Variants in SATB1 observed in about 807,000 individuals in gnomAD.
SATB1 encodes the protein SATB homeobox 1, also known as DNA-binding protein SATB1.
Under a neutral mutation model 86.9 loss-of-function variants are expected in SATB1, and 11 were observed. The ratio of observed to expected loss-of-function variants is 0.13; its 90% CI spans 0.08 to 0.21. SATB1 has a LOEUF of 0.21. SATB1 is among the 10% of genes least tolerant of loss of function. The pLI is 1.00. For missense variants in SATB1, 551 were observed against 937.6 expected, an observed-to-expected ratio of 0.59 and a Z score of 5.39; for synonymous variants, 357 against 357.2, an observed-to-expected ratio of 1.00 and a Z score of 0.01.
rs1559389178 is a variant in SATB1 at position 18,352,598 on chromosome 3, AT to A, written c.1576-404del. The A allele has an allele frequency of 5.5e-5, 10 of 182,144 alleles. No homozygotes were observed. The highest frequency in any genetic ancestry group is 2.1e-4 in the African/African-American group (9 of 42,250). 11.3% of individuals were successfully genotyped at this position (182,144 alleles called of 1,614,324 possible). A position where few individuals can be genotyped will look rare whatever the true frequency, so the allele number is the denominator to read the frequency against. On this transcript the variant is annotated intron_variant, in intron 9 of 10. Transcript: ENST00000338745. This position sits in a 1 kb window ranked among gnomAD's most constrained non-coding sequence, Gnocchi z 4.1. ...AGAGGCAGGACAGATTTTAGAAATAATTTTTTTCTAAAAGGATTTCCTAAGC... is the reference window on the plus strand; with the variant it reads ...AGAGGCAGGACAGATTTTAGAAATAATTTTTTCTAAAAGGATTTCCTAAGC...
At chr3:18,367,563 A>T (rs771089505) in intron 9 of SATB1, among the ~76,000 whole-genome samples, 1 of 152,206 alleles carries the variant, frequency 6.6e-6, no homozygotes, top group African/African-American at 2.4e-5. Flanking sequence ...TCTTCTTATT[A>T]GATAGGGACC....
In SATB1 at chr3:18,386,730, G is replaced by A. The variant is rs1438735850; in HGVS notation, c.1207-119C>T. 4.1e-6 allele frequency: 3 copies of A among 733,268 alleles called. No individual in the cohort carries two copies. Among genetic ancestry groups the A allele is most frequent in the Non-Finnish European group, 6.9e-6 (3 of 436,796 alleles). 45.4% of individuals were successfully genotyped at this position (733,268 alleles called of 1,614,324 possible). On this transcript the variant is annotated intron_variant, in intron 7 of 10. Coordinates refer to ENST00000338745, the MANE Select transcript of SATB1 (RefSeq NM_002971.6). The surrounding 1 kb of genome is among the most constrained non-coding windows in gnomAD (Gnocchi z 4.5). The stretch of plus-strand genomic sequence containing the variant: ...ATGAACAGTCAGAGGCATTAATTCT[G>A]CATAGGAATATATTAGTTACAACTG...
intron 1 of SATB1, among the ~76,000 whole-genome samples, chr3:18,438,387 C>CA (rs1461541019): frequency 6.6e-6 from 1 of 152,070 alleles, no homozygotes; most frequent in East Asian, 1.9e-4. Context: ...TCTCACCACC[C>CA]AAAAAAGAAT....
chr3:18,353,145 C>G (rs1021324613), intron 9 of SATB1: 1 of 152,340 alleles, frequency 6.6e-6, no homozygotes, highest in Admixed American at 6.5e-5. Context: ...CTCACCTGCA[C>G]TCTGCTCTCA....
rs373536891 is a variant in SATB1 at position 18,362,881 on chromosome 3, A to AAAAAAAAAC, written c.1576-10687_1576-10686insGTTTTTTTT. On this transcript the variant is annotated intron_variant, in intron 9 of 10. Coordinates refer to ENST00000338745, the MANE Select transcript of SATB1 (RefSeq NM_002971.6). ...TGTGCAAAAAAAAAAAAAAAAAAAAACCAAAACCCCAAATAAATATAAGAA... is the reference window on the plus strand; with the variant it reads ...TGTGCAAAAAAAAAAAAAAAAAAAAAAAAAAAAACCCAAAACCCCAAATAAATATAAGAA... Among the ~76,000 whole-genome samples the AAAAAAAAAC allele has an allele frequency of 1.5e-3, 157 of 108,150 alleles. 7 individuals carry two copies. The highest frequency in any genetic ancestry group is 2.2e-3 in the Non-Finnish European group (116 of 53,428). The allele number at this position is 108,150 out of a possible 152,430, so 71.0% of individuals were successfully genotyped here.
At chr3:18,372,034 CTT>C (rs1695500620) in intron 9 of SATB1, among the ~76,000 whole-genome samples, 1 of 152,182 alleles carries the variant, frequency 6.6e-6, no homozygotes. Flanking sequence ...AAAGAGAAAA[CTT>C]TATAGAATAT....
Position 18,445,217 on chromosome 3 carries a change from C to T in SATB1, c.-25+301G>A, listed in dbSNP as rs981514192. On this transcript the variant is annotated intron_variant, in intron 1 of 3. Coordinates refer to the SATB1 transcript ENST00000415069. ...TCCCCAGCGCCCGCCCGGCTTCTCCCCCTGGCGGTGGGAGCCTCGGCGGCC... is the reference window on the plus strand; with the variant it reads ...TCCCCAGCGCCCGCCCGGCTTCTCCTCCTGGCGGTGGGAGCCTCGGCGGCC... 1.0e-5 allele frequency: 10 copies of T among 981,702 alleles called. No homozygotes were observed. The African/African-American group carries it at 1.8e-4, about 17-fold the overall frequency. The allele number at this position is 981,702 out of a possible 1,614,324, so 60.8% of individuals were successfully genotyped here.
intron 9 of SATB1, among the ~76,000 whole-genome samples, chr3:18,369,898 G>A (rs183290411): frequency 6.6e-5 from 10 of 152,332 alleles, no homozygotes; most frequent in African/African-American, 2.2e-4. Context: ...AGTGCCACAA[G>A]CTCCCTGGCC....
At chr3:18,363,690 T>C (rs1230243151) in intron 9 of SATB1, among the ~76,000 whole-genome samples, 1 of 152,124 alleles carries the variant, frequency 6.6e-6, no homozygotes, top group African/African-American at 2.4e-5. Flanking sequence ...TGATTAAAAT[T>C]TACTTCTGAA....
upstream of SATB1, among the ~76,000 whole-genome samples, chr3:18,441,426 A>C (rs1295369706): frequency 1.3e-5 from 2 of 152,160 alleles, no homozygotes; most frequent in South Asian, 2.1e-4. Flanking sequence ...AAGAGATTAA[A>C]AACATTTTTG....
chr3:18,413,791 C>T (rs1697986954), intron 5 of SATB1, among the ~76,000 whole-genome samples: 1 of 152,150 alleles, frequency 6.6e-6, no homozygotes, highest in East Asian at 1.9e-4. Flanking sequence ...TAACCTGTGG[C>T]TATAGCTTAT....
chr3:18,420,420 A>G (rs1029575396), intron 2 of SATB1, among the ~76,000 whole-genome samples: 1 of 152,186 alleles, frequency 6.6e-6, no homozygotes, highest in Non-Finnish European at 1.5e-5. Context: ...TTTTATTCTT[A>G]ATCAGGTTAG....
intron 8 of SATB1, 116 bp from the exon 9 acceptor site, chr3:18,378,441 C>T: frequency 2.1e-6 from 2 of 962,018 alleles, no homozygotes; most frequent in Admixed American, 2.5e-5. Flanking sequence ...AGGTGATCAA[C>T]AGTGCAGTCA....
chr3:18,414,367 A>G (rs1432050420), intron 5 of SATB1, among the ~76,000 whole-genome samples: 1 of 152,068 alleles, frequency 6.6e-6, no homozygotes, highest in Admixed American at 6.6e-5. Flanking sequence ...TTTTCTGTCT[A>G]TAAGCAGGTA....
Position 18,411,548 on chromosome 3 carries a change from GTTTACTT to G in SATB1, c.639+3556_639+3562del, listed in dbSNP as rs148476793. Among the ~76,000 whole-genome samples, 896 of 151,972 alleles carry G rather than the reference GTTTACTT, an allele frequency of 5.9e-3. 20 individuals carry two copies. The East Asian group carries it at 0.066, about 11-fold the overall frequency. ...TTAATGTTTTATTATAAATAAAAATGTTTACTTTTTAAATTCCCAATTTTCCTCCCAA... is the reference window on the plus strand; with the variant it reads ...TTAATGTTTTATTATAAATAAAAATGTTTAAATTCCCAATTTTCCTCCCAA... On this transcript the variant is annotated intron_variant, in intron 5 of 10. Transcript: ENST00000338745.
At chr3:18,374,241 C>T (rs915992450) in intron 9 of SATB1, among the ~76,000 whole-genome samples, 1 of 152,140 alleles carries the variant, frequency 6.6e-6, no homozygotes, top group Non-Finnish European at 1.5e-5. Flanking sequence ...AATTAGATTC[C>T]AACATCTGCC....
chr3:18,440,386 C>T (rs1575191943), upstream of SATB1, among the ~76,000 whole-genome samples: 1 of 152,070 alleles, frequency 6.6e-6, no homozygotes, highest in African/African-American at 2.4e-5. Flanking sequence ...TCCTCTCGAC[C>T]CCTATCCCCA....
At chr3:18,369,283 G>C (rs1341933830) in intron 9 of SATB1, among the ~76,000 whole-genome samples, 2 of 150,818 alleles carry the variant, frequency 1.3e-5, no homozygotes, top group African/African-American at 4.9e-5. Context: ...ATACGGCATA[G>C]AATCAAGGGA....
chr3:18,358,006 G>A (rs927598378), intron 9 of SATB1, among the ~76,000 whole-genome samples: 1 of 151,856 alleles, frequency 6.6e-6, no homozygotes, highest in Non-Finnish European at 1.5e-5. Flanking sequence ...AATACTGAAA[G>A]CATTTTAAAT....
Sources: gnomAD v4.1 joint callset for allele counts (sites outside exome capture counted in the v4.1 genomes callset) on GRCh38, gnomAD v4.1.1 for gene constraint, Gnocchi (gnomAD v3.1) non-coding constraint, MANE v1.5 for transcripts, NCBI Gene and HGNC (gene_info 2026-07-23, HGNC 2026-07-21) for gene names.